Variants in GGA2 observed in about 807,000 individuals in gnomAD.
The protein encoded by GGA2 is ADP-ribosylation factor-binding protein GGA2.
GGA2 carries 48 observed loss-of-function variants against 79.5 expected under a neutral mutation model. That is an observed-to-expected ratio of 0.60 (90% CI 0.48 to 0.77). The LOEUF (loss-of-function observed/expected upper bound fraction) is 0.77, where lower values mean the gene tolerates loss of function less well. GGA2 is among the 30% of genes least tolerant of loss of function. The probability of loss-of-function intolerance (pLI) is 0.00; values close to 1 mark genes in which losing one functional copy is unlikely to be tolerated. For synonymous variants in GGA2, 317 were observed against 302.0 expected, an observed-to-expected ratio of 1.05 and a Z score of -0.51; for missense variants, 770 against 774.0, an observed-to-expected ratio of 0.99 and a Z score of 0.06.
At position 23,463,614 on chromosome 16, in the gene GGA2, T is replaced by C. The variant is rs1052510678; in HGVS notation, c.*3976A>G. The C allele has an allele frequency of 1.3e-5, 2 of 152,242 alleles. No individual in the cohort carries two copies. Among genetic ancestry groups the C allele is most frequent in the Non-Finnish European group, 2.9e-5 (2 of 68,040 alleles). The allele number at this position is 152,242 out of a possible 1,614,324, so 9.4% of individuals were successfully genotyped here. On this transcript the variant is annotated 3_prime_UTR_variant, in exon 17 of 17. Transcript: ENST00000309859. Reference sequence around the variant, plus strand: ...AAATTTAAAGAAAATTTATCTATAATTCCCTGACCCAAAGATTACCACTGT... The same window carrying C: ...AAATTTAAAGAAAATTTATCTATAACTCCCTGACCCAAAGATTACCACTGT...
upstream of GGA2, chr16:23,523,764 T>C (rs1262682387): frequency 6.6e-6 from 1 of 152,360 alleles, no homozygotes; most frequent in Admixed American, 6.5e-5. Flanking sequence ...TTAACTTAAA[T>C]GAGGCTGGTT....
intron 1 of GGA2, among the ~76,000 whole-genome samples, chr16:23,497,099 T>C (rs535604773): frequency 1.2e-4 from 11 of 93,848 alleles, no homozygotes; most frequent in African/African-American, 4.4e-4. Context: ...AGCAAGATCC[T>C]GCCTCAAAAA....
At chr16:23,476,417 C>T (rs1285034027) in intron 13 of GGA2, among the ~76,000 whole-genome samples, 4 of 152,162 alleles carry the variant, frequency 2.6e-5, no homozygotes, top group Non-Finnish European at 5.9e-5. Flanking sequence ...AATGTTGTTA[C>T]ATTCACACCT....
chr16:23,513,783 C>CAAAAAAAAA (rs754377361), upstream of GGA2, among the ~76,000 whole-genome samples: 2 of 47,152 alleles, frequency 4.2e-5, no homozygotes, highest in Non-Finnish European at 5.3e-5. Flanking sequence ...GACTCTGTCT[C>CAAAAAAAAA]AAAAAAAAAA....
At position 23,465,009 on chromosome 16, in the gene GGA2, C is replaced by G. The variant is rs1315825733; in HGVS notation, c.*2581G>C. On this transcript the variant is annotated 3_prime_UTR_variant, in exon 17 of 17. Transcript: ENST00000309859. ...GGAGGTAGGTCACGAAATGGGTCAA[C>G]AGGACCCCCGAAGAGTTCAAGATAC... 1 of 331,462 alleles carries G rather than the reference C, an allele frequency of 3.0e-6. No homozygotes were observed. Among genetic ancestry groups the G allele is most frequent in the Non-Finnish European group, 5.6e-6 (1 of 179,598 alleles). The allele number at this position is 331,462 out of a possible 1,614,324, so 20.5% of individuals were successfully genotyped here. A position where few individuals can be genotyped will look rare whatever the true frequency, so the allele number is the denominator to read the frequency against.
rs188392438 is a variant in GGA2 at position 23,505,553 on chromosome 16, G to A, written c.91+4768C>T. Among the ~76,000 whole-genome samples the A allele has an allele frequency of 2.2e-3, 329 of 152,296 alleles. 3 individuals are homozygous for A. Among genetic ancestry groups the A allele is most frequent in the Non-Finnish European group, 2.9e-4 (20 of 68,026 alleles). ...AATGACAGAATGCACAGGCGCTGCC[G>A]TTTGTACTTTTAAGGCATGAGATTC... On this transcript the variant is annotated intron_variant, in intron 1 of 16. Transcript: ENST00000309859.
chr16:23,514,561 A>G (rs1449732994), upstream of GGA2, among the ~76,000 whole-genome samples: 4 of 151,834 alleles, frequency 2.6e-5, no homozygotes, highest in Non-Finnish European at 4.4e-5. Flanking sequence ...GATCTTCGCA[A>G]CCTCAGTCCT....
rs776341701 is a variant in GGA2 at position 23,483,014 on chromosome 16, C to T, written c.799-10G>A. ...ACCTCTCATACACGACCTGAAAGAGCAGAGCTTGGTTCATGACACACGCCC... is the reference window on the plus strand; with the variant it reads ...ACCTCTCATACACGACCTGAAAGAGTAGAGCTTGGTTCATGACACACGCCC... On this transcript the variant is annotated splice_polypyrimidine_tract_variant and intron_variant, in intron 8 of 16. Transcript: ENST00000309859. The T allele has an allele frequency of 2.5e-6, 4 of 1,599,512 alleles. No homozygotes were observed. In the South Asian group the frequency reaches 3.3e-5, roughly 13 times the overall value.
Position 23,486,755 on chromosome 16 carries a change from C to T in GGA2, c.615G>A (p.Glu205=). The T allele has an allele frequency of 6.2e-7, 1 of 1,612,566 alleles. No homozygotes were observed. The highest frequency in any genetic ancestry group is 2.2e-5 in the East Asian group (1 of 44,882). The change falls in exon 7 of 17, where the codon GAG becomes GAA. Residue 205 remains glutamate (E), a synonymous_variant. Transcript: ENST00000309859. Reference sequence around the variant, plus strand: ...TTAACCGGTTTGCAGCCTGAAGGTCCTCGGGGTGGTTGCTCTTTAGAAGCC... The same window carrying T: ...TTAACCGGTTTGCAGCCTGAAGGTCTTCGGGGTGGTTGCTCTTTAGAAGCC... ...LTRLLKSNHP[E]DLQAANRLIK... is the part of the protein sequence containing the mutation.
chr16:23,486,326 C>T (rs1964712464), intron 7 of GGA2, among the ~76,000 whole-genome samples, 174 bp from the exon 8 acceptor site: 1 of 152,180 alleles, frequency 6.6e-6, no homozygotes, highest in Admixed American at 6.5e-5. Context: ...GCCCAGAGTT[C>T]CTGGGGAGGA....
intron 13 of GGA2, among the ~76,000 whole-genome samples, chr16:23,477,520 G>A (rs1486584574): frequency 6.6e-6 from 1 of 151,886 alleles, no homozygotes; most frequent in Non-Finnish European, 1.5e-5. Context: ...GAGGCAGACG[G>A]ATCATGAGGT....
intron 5 of GGA2, among the ~76,000 whole-genome samples, chr16:23,490,951 G>A (rs1031705343): frequency 1.1e-4 from 16 of 152,202 alleles, no homozygotes; most frequent in African/African-American, 3.9e-4. Flanking sequence ...GGTGGCTCAC[G>A]CCTGGGAGGC....
intron 15 of GGA2, 51 bp from the exon 16 acceptor site, chr16:23,469,047 A>G (rs781654354): frequency 8.8e-7 from 1 of 1,138,792 alleles, no homozygotes; most frequent in South Asian, 1.2e-5. Context: ...CACAGCTTCT[A>G]GGATGGAGAT....
At chr16:23,480,206 A>G (rs1410918906) in intron 10 of GGA2, 1 of 358,120 alleles carries the variant, frequency 2.8e-6, no homozygotes, top group Non-Finnish European at 5.2e-6. Flanking sequence ...GATTAGAATC[A>G]CCCACAGTGC....
chr16:23,493,238 T>C (rs1567366341), intron 4 of GGA2, 122 bp downstream of exon 4: 7 of 678,808 alleles, frequency 1.0e-5, no homozygotes, highest in Admixed American at 6.4e-5. Context: ...AGAGCGCTTC[T>C]TTCACAGGCA....
rs1378132085 is a variant in GGA2, at chr16:23,497,024, G to A, written c.92-1246C>T. On this transcript the variant is annotated intron_variant, in intron 1 of 16. Transcript: ENST00000309859. ...TGTAGTCACAGCTACTCAGGAAGCT[G>A]AAGTGGAAAGACTGCGGCTGCAGTG... Among the ~76,000 whole-genome samples, 4 of 48,232 alleles carry A rather than the reference G, an allele frequency of 8.3e-5. No homozygotes were observed. In the East Asian group the frequency reaches 1.5e-3, roughly 18 times the overall value. The allele number at this position is 48,232 out of a possible 152,430, so 31.6% of individuals were successfully genotyped here. A position where few individuals can be genotyped will look rare whatever the true frequency, so the allele number is the denominator to read the frequency against.
intron 1 of GGA2, among the ~76,000 whole-genome samples, chr16:23,520,253 C>CAAAAAA (rs3071381): frequency 1.7e-5 from 2 of 114,418 alleles, no homozygotes; most frequent in Non-Finnish European, 1.7e-5. Context: ...AACTACGTCT[C>CAAAAAA]AAAAAAAAAA....
intron 14 of GGA2, among the ~76,000 whole-genome samples, chr16:23,471,989 G>C (rs1224554005): frequency 2.0e-5 from 3 of 152,084 alleles, no homozygotes; most frequent in Admixed American, 1.3e-4. Flanking sequence ...TACCAGTGGG[G>C]TATGGTGGCA....
chr16:23,513,912 G>T (rs1965088899), upstream of GGA2, among the ~76,000 whole-genome samples: 1 of 152,114 alleles, frequency 6.6e-6, no homozygotes, highest in Non-Finnish European at 1.5e-5. Flanking sequence ...TAGGAAGAAG[G>T]AGTGATATAC....
Sources: allele counts gnomAD v4.1 joint callset (sites outside exome capture counted in the v4.1 genomes callset), GRCh38; gene constraint gnomAD v4.1.1; transcripts MANE v1.5; gene names NCBI Gene and HGNC (gene_info 2026-07-23, HGNC 2026-07-21).